Variants in PSMB4 observed in about 807,000 individuals in gnomAD.
PSMB4 encodes proteasome subunit beta type-4.
In PSMB4, 16 loss-of-function variants were observed where a neutral mutation model predicts 35.2. That is an observed-to-expected ratio of 0.45 (90% CI 0.31 to 0.69). PSMB4 has a LOEUF of 0.69. Ranked by LOEUF, PSMB4 falls within the 30% of genes least tolerant of loss-of-function variation. PSMB4 has a pLI of 0.06. For synonymous variants in PSMB4, 144 were observed against 134.1 expected, an observed-to-expected ratio of 1.07 and a Z score of -0.51; for missense variants, 333 against 351.8, an observed-to-expected ratio of 0.95 and a Z score of 0.43.
At chr1:151,400,347 G>T in intron 2 of PSMB4, 95 bp from the exon 3 acceptor site, 1 of 1,508,398 alleles carries the variant, frequency 6.6e-7, no homozygotes, top group South Asian at 1.2e-5. Flanking sequence ...TTGGCATTAG[G>T]TGTAAAATGG....
chr1:151,400,634 G>GTA, intron 3 of PSMB4, 46 bp downstream of exon 3: 1 of 1,613,426 alleles, frequency 6.2e-7, no homozygotes, highest in East Asian at 2.2e-5. Flanking sequence ...ACCCAACCTA[G>GTA]TACCTGTGTA....
chr1:151,401,439 T>G (rs1652830492), intron 5 of PSMB4, 84 bp downstream of exon 5: 1 of 1,536,126 alleles, frequency 6.5e-7, no homozygotes, highest in Non-Finnish European at 9.0e-7. Flanking sequence ...ACAGATTGCC[T>G]TACTTGTGTG....
At chr1:151,400,312 G>A in intron 2 of PSMB4, 125 bp downstream of exon 2, 1 of 1,453,918 alleles carries the variant, frequency 6.9e-7, no homozygotes, top group South Asian at 1.2e-5. Flanking sequence ...TTGGAGGTGG[G>A]CGATCTGTGT....
chr1:151,401,337 T>C lies in PSMB4; in HGVS notation c.675T>C (p.Asp225=). ...ERCMRVLYYR[D]ARSYNRFQIA... ...GCATGCGAGTGCTGTACTACCGAGATGCCCGTTCTTACAACCGGGTGAGGG... is the reference window on the plus strand; with the variant it reads ...GCATGCGAGTGCTGTACTACCGAGACGCCCGTTCTTACAACCGGGTGAGGG... The change falls in exon 5 of 7, where the codon GAT becomes GAC. Residue 225 remains aspartate, a synonymous_variant. Coordinates refer to ENST00000290541, the MANE Select transcript of PSMB4 (RefSeq NM_002796.3). 1 of 1,614,088 alleles carries C rather than the reference T, an allele frequency of 6.2e-7. No homozygotes were observed. The highest frequency in any genetic ancestry group is 8.5e-7 in the Non-Finnish European group (1 of 1,180,006).
intron 4 of PSMB4, 48 bp from the exon 5 acceptor site, chr1:151,401,191 T>C: frequency 7.0e-7 from 1 of 1,425,910 alleles, no homozygotes. Flanking sequence ...ACAACTAGCC[T>C]GTTATTCAGC....
intron 1 of PSMB4, 114 bp from the exon 2 acceptor site, chr1:151,399,867 T>C: frequency 6.5e-7 from 1 of 1,549,438 alleles, no homozygotes; most frequent in South Asian, 1.1e-5. Flanking sequence ...CGCGGAGTCC[T>C]GGAGAATGCA....
intron 1 of PSMB4, 23 bp from the exon 2 acceptor site, chr1:151,399,958 C>A (rs1467523612): frequency 1.9e-6 from 3 of 1,609,248 alleles, no homozygotes; most frequent in Non-Finnish European, 1.7e-6. Context: ...CCCCTCTCAG[C>A]TCCCACCGTT....
Position 151,401,839 on chromosome 1 carries a change from G to T in PSMB4, c.*10G>T. 1 of 1,609,636 alleles carries T rather than the reference G, an allele frequency of 6.2e-7. No individual in the cohort carries two copies. The highest frequency in any genetic ancestry group is 2.2e-5 in the East Asian group (1 of 44,868). On this transcript the variant is annotated 3_prime_UTR_variant, in exon 7 of 7. Transcript: ENST00000290541. Reference sequence around the variant, plus strand: ...TAGTGGCTTTGAATGAAATACAGATGCATTATCCAGAACTGAAGTTGCCCT... The same window carrying T: ...TAGTGGCTTTGAATGAAATACAGATTCATTATCCAGAACTGAAGTTGCCCT...
chr1:151,401,807 CCTTT>C lies in PSMB4; in HGVS notation c.783-9_783-6del. 2 of 1,609,230 alleles carry C rather than the reference CCTTT, an allele frequency of 1.2e-6. No individual in the cohort carries two copies. The highest frequency in any genetic ancestry group is 8.5e-7 in the Non-Finnish European group (1 of 1,175,650). ...CTTCACAATTTTATTATTCTGTCTT[CCTTT>C]TTTAGTGGCTTTGAATGAAATACAG... On this transcript the variant is annotated splice_polypyrimidine_tract_variant and splice_region_variant and intron_variant, in intron 6 of 6. Coordinates refer to ENST00000290541, the MANE Select transcript of PSMB4 (RefSeq NM_002796.3).
rs1442613005 is a variant in PSMB4 at position 151,399,631 on chromosome 1, G to A, written c.44G>A (p.Gly15Asp). ...TCGCGGTCCGGACTTTGGGCGGGGG[G>A]TCCGGCCCCAGGACAGTTTTACCGC... is the stretch of plus-strand genomic sequence containing the variant. ...LGSRSGLWAG[G>D]PAPGQFYRIP... Residue 15 changes from glycine (G) to aspartate (D), a missense_variant, in exon 1 of 7, where the codon GGT becomes GAT. By Grantham distance (94) the Gly-to-Asp change is moderately conservative (BLOSUM62 -1). Transcript: ENST00000290541. 1.9e-6 allele frequency: 3 copies of A among 1,614,098 alleles called. No homozygotes were observed. Among genetic ancestry groups the A allele is most frequent in the South Asian group, 1.1e-5 (1 of 91,078 alleles).
Position 151,399,975 on chromosome 1 carries a change from C to T in PSMB4, c.141-6C>T. ...CCTCTCAGCTCCCACCGTTCTCACTCTTTAGGAACCCCATGGTGACCGGGA... is the reference window on the plus strand; with the variant it reads ...CCTCTCAGCTCCCACCGTTCTCACTTTTTAGGAACCCCATGGTGACCGGGA... On this transcript the variant is annotated splice_region_variant and splice_polypyrimidine_tract_variant and intron_variant, in intron 1 of 6. Transcript: ENST00000290541. The T allele has an allele frequency of 6.2e-7, 1 of 1,613,448 alleles. No individual in the cohort carries two copies. The highest frequency in any genetic ancestry group is 8.5e-7 in the Non-Finnish European group (1 of 1,179,814).
chr1:151,401,387 G>T (rs376778112), intron 5 of PSMB4, 32 bp downstream of exon 5: 4 of 1,604,420 alleles, frequency 2.5e-6, no homozygotes, highest in Non-Finnish European at 3.4e-6. Context: ...TAATTGGCGG[G>T]CTCTGGCTAC....
At position 151,400,602 on chromosome 1, in the gene PSMB4, CA is replaced by C. The variant is rs765134636; in HGVS notation, c.494+17del. Reference sequence around the variant, plus strand: ...TGATGGAGAGAGGTTCATATGAATACAAATAACTTATTTCCTTTACCACCCA... The same window carrying C: ...TGATGGAGAGAGGTTCATATGAATACAATAACTTATTTCCTTTACCACCCA... On this transcript the variant is annotated intron_variant, in intron 3 of 6. Transcript: ENST00000290541. The C allele has an allele frequency of 6.2e-6, 10 of 1,614,118 alleles. No homozygotes were observed. In the Admixed American group the frequency reaches 1.7e-4, roughly 27 times the overall value.
At position 151,399,905 on chromosome 1, in the gene PSMB4, C is replaced by G. The variant is rs992336601; in HGVS notation, c.141-76C>G. ...ATAATTGGAAGGAATTATAGAAAATCAGAAGCGCAGCTCAGTGCGCGGAAA... is the reference window on the plus strand; with the variant it reads ...ATAATTGGAAGGAATTATAGAAAATGAGAAGCGCAGCTCAGTGCGCGGAAA... On this transcript the variant is annotated intron_variant, in intron 1 of 6. Transcript: ENST00000290541. The G allele has an allele frequency of 7.8e-6, 12 of 1,547,362 alleles. No homozygotes were observed. In the African/African-American group the frequency reaches 1.6e-4, roughly 21 times the overall value.
Position 151,401,164 on chromosome 1 carries a change from T to C in PSMB4, c.577-75T>C, listed in dbSNP as rs1044922448. ...TGTCATCTTTCACTCTAATGCTTTT[T>C]ATACCATAGATTTGAGACAACTAGC... On this transcript the variant is annotated intron_variant, in intron 4 of 6. Transcript: ENST00000290541. 5 of 1,209,796 alleles carry C rather than the reference T, an allele frequency of 4.1e-6. No homozygotes were observed. In the African/African-American group the frequency reaches 6.0e-5, roughly 14 times the overall value. The allele number at this position is 1,209,796 out of a possible 1,614,324, so 74.9% of individuals were successfully genotyped here.
intron 4 of PSMB4, 109 bp downstream of exon 4, chr1:151,400,954 A>G: frequency 1.8e-6 from 2 of 1,139,242 alleles, no homozygotes; most frequent in Non-Finnish European, 2.7e-6. Context: ...TGGGATCGCT[A>G]TTACTGGGCA....
In PSMB4 at chr1:151,401,370, G is replaced by T. The variant is rs758858496; in HGVS notation, c.693+15G>T. The T allele has an allele frequency of 1.7e-5, 27 of 1,612,586 alleles. No homozygotes were observed. The highest frequency in any genetic ancestry group is 5.1e-6 in the Non-Finnish European group (6 of 1,178,810). On this transcript the variant is annotated intron_variant, in intron 5 of 6. Coordinates refer to ENST00000290541, the MANE Select transcript of PSMB4 (RefSeq NM_002796.3). Reference sequence around the variant, plus strand: ...CTTACAACCGGGTGAGGGATGTGCTGGGAACCTAATTGGCGGGCTCTGGCT... The same window carrying T: ...CTTACAACCGGGTGAGGGATGTGCTTGGAACCTAATTGGCGGGCTCTGGCT...
At chr1:151,401,468 G>A in intron 5 of PSMB4, 74 bp from the exon 6 acceptor site, 1 of 1,513,626 alleles carries the variant, frequency 6.6e-7, no homozygotes, top group South Asian at 1.1e-5. Flanking sequence ...TTTCACATTG[G>A]GGAAGACCTC....
In PSMB4 at chr1:151,400,380, T is replaced by G. The variant is rs1049683665; in HGVS notation, c.348-62T>G. ...TGGGGGAAGGTGTGGTAACTTCTTT[T>G]GGGGATGGGTGGAGACCCCGACTTA... On this transcript the variant is annotated intron_variant, in intron 2 of 6. Coordinates refer to ENST00000290541, the MANE Select transcript of PSMB4 (RefSeq NM_002796.3). The G allele has an allele frequency of 1.0e-5, 16 of 1,576,856 alleles. No individual in the cohort carries two copies. In the African/African-American group the frequency reaches 2.2e-4, roughly 21 times the overall value.
Sources: allele counts gnomAD v4.1 joint callset, GRCh38; gene constraint gnomAD v4.1.1; transcripts MANE v1.5; gene names NCBI Gene and HGNC (gene_info 2026-07-23, HGNC 2026-07-21).